Variants in XIRP2 observed in about 807,000 individuals in gnomAD.
XIRP2 encodes the protein xin actin-binding repeat-containing protein 2.
In XIRP2, 236 loss-of-function variants were observed where a neutral mutation model predicts 277.0. The ratio of observed to expected loss-of-function variants is 0.85; its 90% CI spans 0.77 to 0.95. The LOEUF (loss-of-function observed/expected upper bound fraction) is 0.95. Ranked by LOEUF, XIRP2 falls within the 40% of genes least tolerant of loss-of-function variation. XIRP2 has a pLI of 0.00. For missense variants in XIRP2, 4,640 were observed against 4,157.5 expected (o/e 1.12, Z -3.19); for synonymous variants, 1,490 against 1,416.5 (o/e 1.05, Z -1.17).
chr2:167,095,078 A>G (rs1011415741), intron 2 of XIRP2, among the ~76,000 whole-genome samples: 5 of 152,062 alleles, frequency 3.3e-5, no homozygotes, highest in African/African-American at 1.2e-4. Flanking sequence ...CTTTGTAGCA[A>G]TTGTGAATGG....
At chr2:166,912,051 C>A (rs1362377788) in intron 2 of XIRP2, among the ~76,000 whole-genome samples, 1 of 152,126 alleles carries the variant, frequency 6.6e-6, no homozygotes, top group African/African-American at 2.4e-5. Flanking sequence ...TTTTTTCCTT[C>A]ATTTCGACTT....
At chr2:167,025,369 C>T (rs1468999418) in intron 2 of XIRP2, among the ~76,000 whole-genome samples, 18 of 151,934 alleles carry the variant, frequency 1.2e-4, no homozygotes, top group Admixed American at 3.3e-4. Context: ...GTCTTGCTAG[C>T]GGTCTGTCAA....
At chr2:166,910,852 G>T (rs1684681552) in intron 2 of XIRP2, among the ~76,000 whole-genome samples, 1 of 152,164 alleles carries the variant, frequency 6.6e-6, no homozygotes, top group Non-Finnish European at 1.5e-5. Context: ...CTTTATTTCT[G>T]CCTTCATTTC....
Position 167,239,946 on chromosome 2 carries a change from A to T in XIRP2, c.950A>T (p.Asp317Val). The T allele has an allele frequency of 6.2e-7, 1 of 1,602,296 alleles. No homozygotes were observed. Among genetic ancestry groups the T allele is most frequent in the Non-Finnish European group, 8.5e-7 (1 of 1,177,098 alleles). Residue 317 changes from aspartate (D) to valine (V), a missense_variant, in exon 6 of 11, where the codon GAT becomes GTT. Transcript: ENST00000409195. ...EQEGSKVQKI[D>V]VHGTEMVSHL... ...GAAGGGTCCAAAGTACAGAAAATTG[A>T]TGTTCATGGAACAGAAATGGTAACT...
intron 2 of XIRP2, among the ~76,000 whole-genome samples, chr2:167,010,250 G>A (rs1360234170): frequency 6.6e-6 from 1 of 151,936 alleles, no homozygotes; most frequent in Non-Finnish European, 1.5e-5. Context: ...TTTTGTATAA[G>A]GTGTAAGGAA....
chr2:167,000,685 A>G (rs2105454908), intron 2 of XIRP2, among the ~76,000 whole-genome samples: 1 of 152,106 alleles, frequency 6.6e-6, no homozygotes. Context: ...CTCCTTGTTT[A>G]CCCAGAGGTA....
At chr2:167,199,649 A>T (rs976593676) in intron 3 of XIRP2, among the ~76,000 whole-genome samples, 5 of 152,190 alleles carry the variant, frequency 3.3e-5, no homozygotes, top group African/African-American at 1.2e-4. Flanking sequence ...TATTTTAACC[A>T]GTCCCTCAGA....
chr2:166,951,113 G>A (rs891720664), intron 2 of XIRP2, among the ~76,000 whole-genome samples: 2 of 151,976 alleles, frequency 1.3e-5, no homozygotes, highest in Non-Finnish European at 1.5e-5. Context: ...CAAGAATTGC[G>A]AGTTATTATT....
chr2:167,218,251 G>GTAATACC lies in XIRP2; in HGVS notation c.811_817dup (p.Phe273Ter). ...TTTGAGGACGAAATTACTTCTTCCC[G>GTAATACC]TAATACCTTTGCTCAATACCAATAT... On this transcript the variant is annotated frameshift_variant, in exon 5 of 11. Transcript: ENST00000409195. LOFTEE classifies it high-confidence loss of function. 6.2e-7 allele frequency: 1 copy of GTAATACC among 1,608,094 alleles called. No individual in the cohort carries two copies. The highest frequency in any genetic ancestry group is 8.5e-7 in the Non-Finnish European group (1 of 1,177,288).
At chr2:166,969,136 A>G (rs1686506085) in intron 2 of XIRP2, among the ~76,000 whole-genome samples, 1 of 152,004 alleles carries the variant, frequency 6.6e-6, no homozygotes, top group Non-Finnish European at 1.5e-5. Context: ...GTGTTTCTTC[A>G]TTCACATCCA....
In XIRP2 at chr2:167,243,051, T is replaced by C; in HGVS notation, c.1659T>C (p.Ser553=). ...TTTTTGAAAACACAAATGACAGTTC[T>C]CAAAAAGATCTGAACTCAGAAAGAG... ...RYVFENTNDS[S]QKDLNSEREY... Residue 553 remains serine (S), a synonymous_variant, in exon 9 of 11, where the codon TCT becomes TCC. Transcript: ENST00000409195. 1.2e-6 allele frequency: 2 copies of C among 1,614,044 alleles called. No individual in the cohort carries two copies. The highest frequency in any genetic ancestry group is 1.7e-6 in the Non-Finnish European group (2 of 1,179,974).
intron 3 of XIRP2, among the ~76,000 whole-genome samples, chr2:167,149,089 A>G (rs1415378354): frequency 6.6e-6 from 1 of 152,150 alleles, no homozygotes; most frequent in Non-Finnish European, 1.5e-5. Context: ...AAATATGCTT[A>G]CTTCAATCTG....
At chr2:167,037,598 G>A in intron 2 of XIRP2, among the ~76,000 whole-genome samples, 1 of 150,154 alleles carries the variant, frequency 6.7e-6, no homozygotes, top group African/African-American at 2.5e-5. Context: ...ATTTTTTGCT[G>A]CTGATTTAAA....
chr2:166,928,216 T>C (rs1038716276), intron 2 of XIRP2, among the ~76,000 whole-genome samples: 1 of 151,830 alleles, frequency 6.6e-6, no homozygotes, highest in African/African-American at 2.4e-5. Context: ...CAAGGTGAGG[T>C]TGGGAAGAAG....
intron 3 of XIRP2, among the ~76,000 whole-genome samples, chr2:167,174,639 T>C (rs946783893): frequency 1.3e-5 from 2 of 152,172 alleles, no homozygotes; most frequent in South Asian, 4.1e-4. Flanking sequence ...TCTTAGTTAT[T>C]TCTTGTCTTC....
At chr2:167,149,588 G>A (rs1258494770) in intron 3 of XIRP2, among the ~76,000 whole-genome samples, 2 of 151,946 alleles carry the variant, frequency 1.3e-5, no homozygotes, top group Admixed American at 6.6e-5. Flanking sequence ...AGAAAAATTC[G>A]ATCTTGTCTT....
At chr2:167,028,997 C>T (rs1266077249) in intron 2 of XIRP2, among the ~76,000 whole-genome samples, 2 of 151,548 alleles carry the variant, frequency 1.3e-5, no homozygotes, top group Non-Finnish European at 2.9e-5. Context: ...AAGATAGGCT[C>T]TTTGAAACTA....
intron 4 of XIRP2, among the ~76,000 whole-genome samples, chr2:167,213,485 G>C (rs759521741): frequency 6.6e-6 from 1 of 152,138 alleles, no homozygotes; most frequent in Non-Finnish European, 1.5e-5. Context: ...TATTTACCTA[G>C]ATTTAACTGT....
In XIRP2 at chr2:167,243,657, A is replaced by G. The variant is rs1695150882; in HGVS notation, c.2265A>G (p.Lys755=). 6.2e-7 allele frequency: 1 copy of G among 1,613,918 alleles called. No homozygotes were observed. The highest frequency in any genetic ancestry group is 1.1e-5 in the South Asian group (1 of 91,082). Residue 755 remains lysine, a synonymous_variant, in exon 9 of 11, where the codon AAA becomes AAG. Transcript: ENST00000409195. The stretch of plus-strand genomic sequence containing the variant: ...GTTCGGGCCAAATGCTGGAAATTAA[A>G]ACTGTTCACAGAGAAGACGTTGAAA... ...RDGSGQMLEI[K]TVHREDVEKG...
Sources: allele counts gnomAD v4.1 joint callset (sites outside exome capture counted in the v4.1 genomes callset), GRCh38; gene constraint gnomAD v4.1.1; transcripts MANE v1.5; gene names NCBI Gene and HGNC (gene_info 2026-07-23, HGNC 2026-07-21).